ACOT12: variants seen among roughly 807,000 people sequenced by gnomAD.
The protein encoded by ACOT12 is acetyl-coenzyme A thioesterase.
Under a neutral mutation model 67.7 loss-of-function variants are expected in ACOT12, and 51 were observed. That is an observed-to-expected ratio of 0.75 (90% confidence interval 0.60 to 0.95). The LOEUF is 0.95. Ranked by LOEUF, ACOT12 falls within the 40% of genes least tolerant of loss-of-function variation. The probability of loss-of-function intolerance (pLI) is 0.00; values close to 1 mark genes in which losing one functional copy is unlikely to be tolerated. For synonymous variants in ACOT12, 251 were observed against 244.6 expected, an observed-to-expected ratio of 1.03 and a Z score of -0.24; for missense variants, 734 against 708.1, an observed-to-expected ratio of 1.04 and a Z score of -0.41.
At chr5:81,389,955 ATT>A (rs34623194) in intron 1 of ACOT12, among the ~76,000 whole-genome samples, 87 of 129,442 alleles carry the variant, frequency 6.7e-4, no homozygotes, top group Admixed American at 1.2e-3. Flanking sequence ...TTATTTATGT[ATT>A]TTTTTTTTTT....
intron 3 of ACOT12, among the ~76,000 whole-genome samples, chr5:81,367,091 A>C (rs1439334577): frequency 6.6e-6 from 1 of 152,210 alleles, no homozygotes; most frequent in Non-Finnish European, 1.5e-5. Context: ...GCCAGGCTAG[A>C]ATTCTATACC....
At chr5:81,348,112 T>G (rs185582674) in intron 5 of ACOT12, among the ~76,000 whole-genome samples, 182 bp from the exon 6 acceptor site, 168 of 152,326 alleles carry the variant, frequency 1.1e-3, no homozygotes, top group Middle Eastern at 6.8e-3. Context: ...TGGTGAATAT[T>G]TGCAATGAAT....
At chr5:81,309,721 AG>A in the ACOT12 span, among the ~76,000 whole-genome samples, 1,457 of 152,324 alleles carry the variant, frequency 9.6e-3, 30 homozygotes, top group African/African-American at 0.033. Context: ...GCCACTCACT[AG>A]CTGGGGGGCT....
chr5:81,344,087 C>CA, intron 9 of ACOT12, 73 bp downstream of exon 9: 1 of 1,506,444 alleles, frequency 6.6e-7, no homozygotes, highest in Non-Finnish European at 9.1e-7. Context: ...AATAGAGACC[C>CA]AGAGGGGGGC....
intron 5 of ACOT12, among the ~76,000 whole-genome samples, chr5:81,353,475 T>G (rs1232333724): frequency 6.6e-6 from 1 of 152,206 alleles, no homozygotes. Flanking sequence ...TCACTCTACA[T>G]TTGTAGATCA....
intron 12 of ACOT12, among the ~76,000 whole-genome samples, 182 bp from the exon 13 acceptor site, chr5:81,332,787 G>C (rs1758871132): frequency 6.6e-6 from 1 of 152,138 alleles, no homozygotes; most frequent in Non-Finnish European, 1.5e-5. Flanking sequence ...TTTGAGGGTA[G>C]GCACAGTGGC....
At chr5:81,316,290 C>T in the ACOT12 span, among the ~76,000 whole-genome samples, 9 of 152,198 alleles carry the variant, frequency 5.9e-5, no homozygotes, top group African/African-American at 2.2e-4. Flanking sequence ...AGCCAATACC[C>T]TTAAGCAGTT....
chr5:81,364,420 T>C (rs1307232747), intron 3 of ACOT12, among the ~76,000 whole-genome samples: 1 of 152,098 alleles, frequency 6.6e-6, no homozygotes, highest in East Asian at 1.9e-4. Context: ...TTTACAGTTT[T>C]ATGTTCTAAT....
the ACOT12 span, among the ~76,000 whole-genome samples, chr5:81,312,289 A>G: frequency 6.6e-6 from 1 of 152,236 alleles, no homozygotes; most frequent in East Asian, 1.9e-4. Context: ...AAAGAATGAA[A>G]GAGCTTTCTC....
intron 3 of ACOT12, among the ~76,000 whole-genome samples, chr5:81,368,159 G>C (rs1460698804): frequency 6.6e-6 from 1 of 152,152 alleles, no homozygotes; most frequent in African/African-American, 2.4e-5. Context: ...GGGCGTGGTG[G>C]TGCACATGTG....
At chr5:81,362,412 C>T (rs534427821) in intron 4 of ACOT12, among the ~76,000 whole-genome samples, 28 of 152,078 alleles carry the variant, frequency 1.8e-4, no homozygotes, top group Non-Finnish European at 1.0e-4. Context: ...GTGATCCACC[C>T]GCCTCAGCCT....
At chr5:81,366,260 A>G (rs1760074381) in intron 3 of ACOT12, among the ~76,000 whole-genome samples, 1 of 152,238 alleles carries the variant, frequency 6.6e-6, no homozygotes, top group African/African-American at 2.4e-5. Flanking sequence ...CTTTTTAAAG[A>G]AATATAACAA....
intron 5 of ACOT12, among the ~76,000 whole-genome samples, chr5:81,351,865 G>A (rs1759562353): frequency 6.6e-6 from 1 of 152,074 alleles, no homozygotes; most frequent in African/African-American, 2.4e-5. Flanking sequence ...TCTGATAAGC[G>A]ATTAATAACC....
At chr5:81,308,965 A>G in the ACOT12 span, 11 of 1,613,162 alleles carry the variant, frequency 6.8e-6, no homozygotes, top group African/African-American at 1.3e-5. Context: ...CTTTTGCAAA[A>G]TGTTTTGTTT....
At chr5:81,374,631 T>G (rs2153856737) in intron 2 of ACOT12, among the ~76,000 whole-genome samples, 1 of 152,090 alleles carries the variant, frequency 6.6e-6, no homozygotes, top group South Asian at 2.1e-4. Flanking sequence ...AATAACCAGT[T>G]TAGAGAGGAA....
chr5:81,385,798 A>T lies in ACOT12; in HGVS notation c.156T>A (p.Val52=). 6.2e-7 allele frequency: 1 copy of T among 1,614,128 alleles called. No individual in the cohort carries two copies. Among genetic ancestry groups the T allele is most frequent in the Non-Finnish European group, 8.5e-7 (1 of 1,180,002 alleles). The stretch of plus-strand genomic sequence containing the variant: ...ACTGTATGTCATCCACTGAGGCTGT[A>T]ACGCAGGAAACTCCAGCATGTTTCT... ...AAEKHAGVSC[V]TASVDDIQFE... Residue 52 remains valine (V), a synonymous_variant, in exon 2 of 15, where the codon GTT becomes GTA. Coordinates refer to ENST00000307624, the MANE Select transcript of ACOT12 (RefSeq NM_130767.3).
At chr5:81,311,400 A>G in the ACOT12 span, 11 of 1,024,732 alleles carry the variant, frequency 1.1e-5, no homozygotes, top group Admixed American at 1.1e-4. Flanking sequence ...CTGTTTTCCT[A>G]CTGTAGCAAT....
chr5:81,343,114 G>C (rs1001897685), intron 10 of ACOT12, among the ~76,000 whole-genome samples: 1 of 152,048 alleles, frequency 6.6e-6, no homozygotes, highest in Non-Finnish European at 1.5e-5. Flanking sequence ...CCGCCACCGG[G>C]AGGCGGAGGT....
At chr5:81,340,370 T>C (rs1251369727) in intron 11 of ACOT12, among the ~76,000 whole-genome samples, 1 of 150,902 alleles carries the variant, frequency 6.6e-6, no homozygotes, top group Non-Finnish European at 1.5e-5. Flanking sequence ...TTGTTTTGTT[T>C]TGTTTTTTTG....
Sources: gnomAD v4.1 joint callset for allele counts (sites outside exome capture counted in the v4.1 genomes callset) on GRCh38, gnomAD v4.1.1 for gene constraint, MANE v1.5 for transcripts, NCBI Gene and HGNC (gene_info 2026-07-23, HGNC 2026-07-21) for gene names.